Variants in PAPPA observed in about 807,000 individuals in gnomAD.
The protein encoded by PAPPA is pappalysin-1.
A neutral mutation model predicts 164.0 loss-of-function variants in PAPPA; 60 were observed. The observed-to-expected ratio is 0.37, with a 90% CI of 0.30 to 0.45. The LOEUF (loss-of-function observed/expected upper bound fraction) is 0.45, where lower values mean the gene tolerates loss of function less well. Ranked by LOEUF, PAPPA falls within the 20% of genes least tolerant of loss-of-function variation. PAPPA has a pLI of 1.00. For missense variants in PAPPA, 1,782 were observed against 2,087.3 expected (o/e 0.85, Z 2.85); for synonymous variants, 875 against 814.1 (o/e 1.07, Z -1.27).
chr9:116,294,498 C>T (rs996252214), intron 9 of PAPPA, among the ~76,000 whole-genome samples: 6 of 152,140 alleles, frequency 3.9e-5, no homozygotes, highest in Non-Finnish European at 7.3e-5. Flanking sequence ...GGGTTTGACA[C>T]GAAGCCTTTG....
intron 13 of PAPPA, among the ~76,000 whole-genome samples, chr9:116,336,615 G>C (rs1252463256): frequency 4.6e-5 from 7 of 152,176 alleles, no homozygotes; most frequent in African/African-American, 1.7e-4. Flanking sequence ...AATTCTCGAC[G>C]AATGGTGTCT....
intron 21 of PAPPA, among the ~76,000 whole-genome samples, chr9:116,385,081 A>C (rs960424596): frequency 2.0e-5 from 3 of 151,946 alleles, no homozygotes; most frequent in African/African-American, 7.3e-5. Flanking sequence ...TAAAAATACA[A>C]AAATTAGCCG....
chr9:116,359,911 C>T (rs1409571739), intron 17 of PAPPA, among the ~76,000 whole-genome samples: 1 of 152,176 alleles, frequency 6.6e-6, no homozygotes, highest in African/African-American at 2.4e-5. Context: ...CAAAAGGATG[C>T]TATATATTTT....
intron 17 of PAPPA, among the ~76,000 whole-genome samples, chr9:116,354,561 T>C (rs2118602339): frequency 6.6e-6 from 1 of 152,210 alleles, no homozygotes; most frequent in Admixed American, 6.5e-5. Flanking sequence ...ATTGTTAGCC[T>C]CCAGATACCA....
intron 6 of PAPPA, among the ~76,000 whole-genome samples, chr9:116,231,272 C>T (rs926446744): frequency 6.6e-6 from 1 of 151,978 alleles, no homozygotes; most frequent in Non-Finnish European, 1.5e-5. Context: ...AGTAACAGGG[C>T]TTTTACACTT....
At position 116,347,885 on chromosome 9, in the gene PAPPA, A is replaced by C. The variant is rs1197889731; in HGVS notation, c.3964+676A>C. 6.6e-6 allele frequency among the ~76,000 whole-genome samples: 1 copy of C among 152,214 alleles called. No homozygotes were observed. The highest frequency in any genetic ancestry group is 1.5e-5 in the Non-Finnish European group (1 of 68,040). On this transcript the variant is annotated intron_variant, in intron 15 of 21. Coordinates refer to ENST00000328252, the MANE Select transcript of PAPPA (RefSeq NM_002581.5). This position sits in a 1 kb window ranked among gnomAD's most constrained non-coding sequence, Gnocchi z 4.5. ...TGAGTAGCTGGCCTGGGTGTCCTAG[A>C]ATGCTGGGACTAGATGTGGAATGTG...
At chr9:116,311,373 A>C (rs537656817) in intron 10 of PAPPA, among the ~76,000 whole-genome samples, 70 of 152,324 alleles carry the variant, frequency 4.6e-4, no homozygotes, top group African/African-American at 1.6e-3. Context: ...TCTTTCGATA[A>C]GAAAAGACAA....
intron 17 of PAPPA, among the ~76,000 whole-genome samples, chr9:116,355,389 G>C (rs1846339746): frequency 6.6e-6 from 1 of 152,240 alleles, no homozygotes; most frequent in Non-Finnish European, 1.5e-5. Context: ...CTGAGTCACA[G>C]TCAGAATCCA....
Position 116,347,162 on chromosome 9 carries a change from T to C in PAPPA, c.3917T>C (p.Phe1306Ser). Residue 1306 changes from phenylalanine to serine, a missense_variant, in exon 15 of 22, where the codon TTT becomes TCT. By Grantham distance (155) the Phe-to-Ser change is radical (BLOSUM62 -2). Transcript: ENST00000328252. The surrounding 1 kb of genome is among the most constrained non-coding windows in gnomAD (Gnocchi z 4.5). ...TTCTCCTGCCCTGAGGGCACCACCT[T>C]TGGCAGTCAATGTTCCTTCCAGTGC... is the stretch of plus-strand genomic sequence containing the variant. ...ASFSCPEGTT[F>S]GSQCSFQCRH... 1 of 1,614,032 alleles carries C rather than the reference T, an allele frequency of 6.2e-7. No individual in the cohort carries two copies. Among genetic ancestry groups the C allele is most frequent in the Non-Finnish European group, 8.5e-7 (1 of 1,179,942 alleles).
chr9:116,189,926 A>T (rs1844022018), intron 2 of PAPPA, among the ~76,000 whole-genome samples: 1 of 152,190 alleles, frequency 6.6e-6, no homozygotes, highest in Admixed American at 6.5e-5. Context: ...ACCTCAGCTC[A>T]GCTTCCCGGC....
At chr9:116,158,453 A>C (rs1843628165) in intron 1 of PAPPA, among the ~76,000 whole-genome samples, 1 of 152,118 alleles carries the variant, frequency 6.6e-6, no homozygotes, top group African/African-American at 2.4e-5. Context: ...CTCTGCCCCT[A>C]ACTAACTGTG....
chr9:116,276,406 C>G (rs1473764420), intron 9 of PAPPA, among the ~76,000 whole-genome samples: 2 of 152,156 alleles, frequency 1.3e-5, no homozygotes, highest in Non-Finnish European at 2.9e-5. Flanking sequence ...TGACTTTCCA[C>G]CCTGTATTCT....
At chr9:116,219,913 A>G in intron 4 of PAPPA, 24 bp from the exon 5 acceptor site, 4 of 1,573,950 alleles carry the variant, frequency 2.5e-6, no homozygotes, top group Non-Finnish European at 2.6e-6. Flanking sequence ...CTTGGTGCTT[A>G]TCTCTCCCTC....
chr9:116,258,741 A>C (rs763256052), intron 7 of PAPPA, among the ~76,000 whole-genome samples: 17 of 152,376 alleles, frequency 1.1e-4, no homozygotes, highest in African/African-American at 3.8e-4. Flanking sequence ...CAGTAGTGAA[A>C]GGATTAACTG....
At chr9:116,289,371 A>ATATATATGGCATATATATAGCC (rs1845404828) in intron 9 of PAPPA, among the ~76,000 whole-genome samples, 2 of 146,128 alleles carry the variant, frequency 1.4e-5, no homozygotes, top group African/African-American at 5.0e-5. Context: ...TATATATGGC[A>ATATATATGGCATATATATAGCC]TATATATAGC....
At chr9:116,158,466 A>AC (rs1253654435) in intron 1 of PAPPA, among the ~76,000 whole-genome samples, 4 of 152,202 alleles carry the variant, frequency 2.6e-5, no homozygotes, top group African/African-American at 9.7e-5. Flanking sequence ...TAACTGTGTG[A>AC]CCTTGGGCAA....
chr9:116,323,687 G>A (rs575408222), intron 10 of PAPPA, among the ~76,000 whole-genome samples: 1 of 152,330 alleles, frequency 6.6e-6, no homozygotes, highest in African/African-American at 2.4e-5. Context: ...GGACCCATAA[G>A]TCTCAGAAGT....
At chr9:116,359,831 G>C (rs1846400624) in intron 17 of PAPPA, among the ~76,000 whole-genome samples, 1 of 152,222 alleles carries the variant, frequency 6.6e-6, no homozygotes, top group East Asian at 1.9e-4. Flanking sequence ...ATGTCATCTG[G>C]ATTCCATTGT....
intron 8 of PAPPA, among the ~76,000 whole-genome samples, chr9:116,270,237 G>A (rs547298784): frequency 4.6e-4 from 70 of 152,286 alleles, no homozygotes; most frequent in Non-Finnish European, 5.7e-4. Context: ...CAGAGGCATA[G>A]GACTAATTAT....
Sources: gnomAD v4.1 joint callset for allele counts (sites outside exome capture counted in the v4.1 genomes callset) on GRCh38, gnomAD v4.1.1 for gene constraint, Gnocchi (gnomAD v3.1) non-coding constraint, MANE v1.5 for transcripts, NCBI Gene and HGNC (gene_info 2026-07-23, HGNC 2026-07-21) for gene names.